SHISA6: variants seen among roughly 807,000 people sequenced by gnomAD.
The protein encoded by SHISA6 is protein shisa-6.
SHISA6 carries 22 observed loss-of-function variants against 47.9 expected under a neutral mutation model. The observed-to-expected ratio is 0.46, with a 90% CI of 0.33 to 0.66. The LOEUF is 0.66. SHISA6 is among the 30% of genes least tolerant of loss of function. The pLI is 0.02. For missense variants in SHISA6, 680 were observed against 764.6 expected (o/e 0.89, Z 1.30); for synonymous variants, 388 against 337.8 (o/e 1.15, Z -1.63).
At chr17:11,342,102 A>G (rs78657653) in intron 2 of SHISA6, among the ~76,000 whole-genome samples, 12,791 of 151,940 alleles carry the variant, frequency 0.084, 836 homozygotes, top group East Asian at 0.23. Context: ...GCTGAAATGG[A>G]GCGGGGTGAT....
At chr17:11,437,303 C>T (rs1215175839) in intron 3 of SHISA6, among the ~76,000 whole-genome samples, 1 of 152,112 alleles carries the variant, frequency 6.6e-6, no homozygotes, top group Non-Finnish European at 1.5e-5. Context: ...TGGATGAGGA[C>T]TGAGAGGACT....
intron 2 of SHISA6, among the ~76,000 whole-genome samples, chr17:11,357,014 T>TACA (rs961740289): frequency 1.3e-4 from 20 of 151,306 alleles, no homozygotes; most frequent in Non-Finnish European, 2.1e-4. Context: ...GTACTTAAAA[T>TACA]ACAACAACAA....
At chr17:11,277,397 G>A (rs1025770173) in intron 2 of SHISA6, among the ~76,000 whole-genome samples, 4 of 151,612 alleles carry the variant, frequency 2.6e-5, no homozygotes, top group African/African-American at 9.7e-5. Flanking sequence ...TCATCAGAAT[G>A]ATAAGCAAAT....
At chr17:11,489,934 G>A (rs1246939522) in intron 3 of SHISA6, among the ~76,000 whole-genome samples, 1 of 152,168 alleles carries the variant, frequency 6.6e-6, no homozygotes, top group Non-Finnish European at 1.5e-5. Flanking sequence ...TACTGCCCAG[G>A]CTGAGAAATC....
intron 3 of SHISA6, among the ~76,000 whole-genome samples, chr17:11,398,998 G>A (rs779781538): frequency 7.9e-5 from 12 of 151,154 alleles, no homozygotes; most frequent in Non-Finnish European, 1.5e-4. Context: ...CACAAGGATT[G>A]TAGCAGGAGT....
At chr17:11,523,779 G>A (rs1258201301) in intron 3 of SHISA6, among the ~76,000 whole-genome samples, 1 of 152,164 alleles carries the variant, frequency 6.6e-6, no homozygotes, top group East Asian at 1.9e-4. Flanking sequence ...GCCGAGGTGG[G>A]CAGATCACCT....
intron 3 of SHISA6, among the ~76,000 whole-genome samples, chr17:11,443,194 CTT>C (rs1396430431): frequency 6.6e-6 from 1 of 152,126 alleles, no homozygotes; most frequent in Admixed American, 6.5e-5. Context: ...TGAAGACTTT[CTT>C]TTTTTCTCGC....
chr17:11,379,308 G>C, intron 2 of SHISA6, 106 bp from the exon 3 acceptor site: 1 of 641,846 alleles, frequency 1.6e-6, no homozygotes, highest in Non-Finnish European at 2.5e-6. Context: ...CTTAGCTGCT[G>C]GTTTGAAAAC....
chr17:11,446,077 C>T (rs1258464859), intron 3 of SHISA6, among the ~76,000 whole-genome samples: 3 of 152,180 alleles, frequency 2.0e-5, no homozygotes, highest in African/African-American at 4.8e-5. Flanking sequence ...CCGCCCGCCT[C>T]GGCCTCCCAA....
chr17:11,530,216 C>G (rs1215762983), intron 3 of SHISA6, among the ~76,000 whole-genome samples: 2 of 152,026 alleles, frequency 1.3e-5, no homozygotes, highest in Non-Finnish European at 2.9e-5. Context: ...TTGATAACAC[C>G]ATTGAAATGG....
intron 3 of SHISA6, among the ~76,000 whole-genome samples, chr17:11,524,251 A>G (rs1217842754): frequency 2.0e-5 from 3 of 152,106 alleles, no homozygotes; most frequent in Non-Finnish European, 4.4e-5. Context: ...AAAAATCATA[A>G]GAGAGCAACT....
chr17:11,409,261 A>G (rs1391528620), intron 3 of SHISA6, among the ~76,000 whole-genome samples: 2 of 152,222 alleles, frequency 1.3e-5, no homozygotes, highest in African/African-American at 4.8e-5. Context: ...ATGTTGTTCT[A>G]TAGAGAATAC....
chr17:11,496,378 C>T (rs2071409058), intron 3 of SHISA6, among the ~76,000 whole-genome samples: 1 of 152,176 alleles, frequency 6.6e-6, no homozygotes, highest in Non-Finnish European at 1.5e-5. Context: ...ACACGGTGGG[C>T]TGAAAGAGAT....
At chr17:11,463,874 A>G (rs1597530459) in intron 3 of SHISA6, among the ~76,000 whole-genome samples, 1 of 152,184 alleles carries the variant, frequency 6.6e-6, no homozygotes, top group African/African-American at 2.4e-5. Context: ...ACCTGTAGGT[A>G]TTTGGAAAAG....
intron 2 of SHISA6, among the ~76,000 whole-genome samples, chr17:11,300,287 C>T (rs1277770102): frequency 1.3e-5 from 2 of 152,162 alleles, no homozygotes; most frequent in African/African-American, 4.8e-5. Flanking sequence ...AGTTCCCAAC[C>T]AGTGTAGACC....
In SHISA6 at chr17:11,488,488, G is replaced by C. The variant is rs534932583; in HGVS notation, c.896-63408G>C. ...AGCTTCACAAGATCAACTCAAACTG[G>C]ACTAAGCAGAAAAAACATTATTTTT... On this transcript the variant is annotated intron_variant, in intron 3 of 5. Transcript: ENST00000441885. Among the ~76,000 whole-genome samples, 53 of 152,196 alleles carry C rather than the reference G, an allele frequency of 3.5e-4. No homozygotes were observed. In the Middle Eastern group the frequency reaches 0.01, roughly 29 times the overall value.
At chr17:11,334,770 T>C (rs1457483352) in intron 2 of SHISA6, among the ~76,000 whole-genome samples, 1 of 152,236 alleles carries the variant, frequency 6.6e-6, no homozygotes, top group African/African-American at 2.4e-5. Flanking sequence ...GTGGATGGAA[T>C]ACTGGCCTTG....
intron 3 of SHISA6, among the ~76,000 whole-genome samples, chr17:11,391,772 C>T (rs750605672): frequency 7.2e-5 from 11 of 152,100 alleles, no homozygotes; most frequent in African/African-American, 1.2e-4. Context: ...CTTTATTGTC[C>T]GACATTCTGG....
chr17:11,495,811 T>C (rs563773124), intron 3 of SHISA6, among the ~76,000 whole-genome samples: 2 of 152,206 alleles, frequency 1.3e-5, no homozygotes, highest in Non-Finnish European at 2.9e-5. Context: ...AGGGAGTTGA[T>C]TTATCTATGG....
Sources: gnomAD v4.1 joint callset for allele counts (sites outside exome capture counted in the v4.1 genomes callset) on GRCh38, gnomAD v4.1.1 for gene constraint, MANE v1.5 for transcripts, NCBI Gene and HGNC (gene_info 2026-07-23, HGNC 2026-07-21) for gene names.